DENND5A: variants seen among roughly 807,000 people sequenced by gnomAD.
DENND5A encodes the protein DENN domain-containing protein 5A.
Under a neutral mutation model 140.3 loss-of-function variants are expected in DENND5A, and 64 were observed. That is an observed-to-expected ratio of 0.46 (90% confidence interval 0.37 to 0.56). DENND5A has a LOEUF of 0.56. Ranked by LOEUF, DENND5A falls within the 20% of genes least tolerant of loss-of-function variation. The probability of loss-of-function intolerance (pLI) is 0.00; values close to 1 mark genes in which losing one functional copy is unlikely to be tolerated. For missense variants in DENND5A, 1,292 were observed against 1,593.8 expected, an observed-to-expected ratio of 0.81 and a Z score of 3.22; for synonymous variants, 605 against 607.7, an observed-to-expected ratio of 1.00 and a Z score of 0.07.
In DENND5A at chr11:9,167,896, C is replaced by T. The variant is rs1415053657; in HGVS notation, c.2152-1929G>A. ...TCCAAATCATCTTGTTTGATGATGA[C>T]CCCAAGTAGAAGTAACCTCTGCTTT... On this transcript the variant is annotated intron_variant, in intron 10 of 22. Coordinates refer to ENST00000328194, the MANE Select transcript of DENND5A (RefSeq NM_015213.4). Among the ~76,000 whole-genome samples the T allele has an allele frequency of 2.0e-5, 3 of 152,232 alleles. No homozygotes were observed. The South Asian group carries it at 6.2e-4, about 32-fold the overall frequency.
intron 1 of DENND5A, among the ~76,000 whole-genome samples, chr11:9,212,931 C>T (rs569515011): frequency 6.6e-6 from 1 of 151,460 alleles, no homozygotes; most frequent in African/African-American, 2.4e-5. Context: ...AAAAGGGCAA[C>T]CCCAAGAATT....
Position 9,203,757 on chromosome 11 carries a change from A to C in DENND5A, c.852T>G (p.Phe284Leu). 3 of 1,614,214 alleles carry C rather than the reference A, an allele frequency of 1.9e-6. No homozygotes were observed. The South Asian group carries it at 3.3e-5, about 18-fold the overall frequency. Residue 284 changes from phenylalanine to leucine, a missense_variant, in exon 4 of 23, where the codon TTT (phenylalanine) becomes TTG (leucine). This residue lies in a region of DENND5A where 566 missense variants were observed against 650.4 expected (regional missense o/e 0.87). Coordinates refer to ENST00000328194, the MANE Select transcript of DENND5A (RefSeq NM_015213.4). ...PSTNELPLFD[F>L]PVKEVFELLG... ...GCAGTTCAAAAACCTCTTTGACAGGAAAGTCAAATAGGGGAAGCTCATTGG... is the reference window on the plus strand; with the variant it reads ...GCAGTTCAAAAACCTCTTTGACAGGCAAGTCAAATAGGGGAAGCTCATTGG...
chr11:9,151,160 G>A (rs1847603100), intron 13 of DENND5A, among the ~76,000 whole-genome samples: 1 of 152,070 alleles, frequency 6.6e-6, no homozygotes, highest in South Asian at 2.1e-4. Context: ...CTTCCACTTG[G>A]AGCCACTACT....
At chr11:9,146,760 G>A (rs1847444286) in intron 16 of DENND5A, 1 of 326,642 alleles carries the variant, frequency 3.1e-6, no homozygotes, top group South Asian at 5.9e-5. Context: ...ACCTTCATCA[G>A]CTTAGGCTCC....
At chr11:9,235,945 C>T (rs1850981518) in intron 1 of DENND5A, among the ~76,000 whole-genome samples, 1 of 152,094 alleles carries the variant, frequency 6.6e-6, no homozygotes, top group African/African-American at 2.4e-5. Flanking sequence ...CACTGAATTA[C>T]ACATTTTTAA....
intron 1 of DENND5A, among the ~76,000 whole-genome samples, chr11:9,230,321 A>G (rs1315555508): frequency 7.1e-6 from 1 of 140,392 alleles, no homozygotes; most frequent in Non-Finnish European, 1.5e-5. Flanking sequence ...GCTCACTACA[A>G]TCTCAACCTT....
intron 1 of DENND5A, among the ~76,000 whole-genome samples, chr11:9,249,887 A>G (rs1420440413): frequency 3.9e-5 from 6 of 151,928 alleles, no homozygotes; most frequent in Non-Finnish European, 5.9e-5. Context: ...GTGTTGCACT[A>G]CGTTGCCCGG....
intron 17 of DENND5A, 109 bp downstream of exon 17, chr11:9,145,561 G>A (rs938586508): frequency 5.0e-6 from 6 of 1,189,522 alleles, no homozygotes; most frequent in African/African-American, 1.5e-5. Flanking sequence ...CTATGCTGAA[G>A]CATTACACTG....
At chr11:9,198,988 C>T (rs1278271074) in intron 4 of DENND5A, among the ~76,000 whole-genome samples, 2 of 133,476 alleles carry the variant, frequency 1.5e-5, no homozygotes, top group African/African-American at 2.7e-5. Context: ...TCCCAGGAGG[C>T]GGAGGTTGCA....
intron 11 of DENND5A, among the ~76,000 whole-genome samples, chr11:9,163,238 T>G (rs756750806): frequency 1.3e-5 from 2 of 152,182 alleles, no homozygotes; most frequent in Non-Finnish European, 2.9e-5. Context: ...GCTCCAAAAG[T>G]TTCTCTAGGG....
chr11:9,173,790 G>A (rs112517477), intron 8 of DENND5A, among the ~76,000 whole-genome samples: 9,013 of 152,204 alleles, frequency 0.059, 375 homozygotes, highest in South Asian at 0.11. Context: ...AACCAACAAA[G>A]TAGATAAAAT....
At chr11:9,229,761 A>G (rs1850684207) in intron 1 of DENND5A, among the ~76,000 whole-genome samples, 1 of 151,996 alleles carries the variant, frequency 6.6e-6, no homozygotes. Flanking sequence ...TGCCCCACCC[A>G]GTCTATTACC....
chr11:9,219,705 T>C (rs1422497506), intron 1 of DENND5A, among the ~76,000 whole-genome samples: 1 of 152,180 alleles, frequency 6.6e-6, no homozygotes, highest in Non-Finnish European at 1.5e-5. Context: ...CCTCAAATAA[T>C]CCAGATTGAT....
At position 9,243,872 on chromosome 11, in the gene DENND5A, C is replaced by T. The variant is rs570601562; in HGVS notation, c.109+21089G>A. 2.6e-5 allele frequency among the ~76,000 whole-genome samples: 4 copies of T among 152,194 alleles called. No individual in the cohort carries two copies. The South Asian group carries it at 6.2e-4, about 24-fold the overall frequency. ...CTGCACTCCAGCCTGGGCGACAGAACGAGACTCCATCTCACACACACAAAA... is the reference window on the plus strand; with the variant it reads ...CTGCACTCCAGCCTGGGCGACAGAATGAGACTCCATCTCACACACACAAAA... On this transcript the variant is annotated intron_variant, in intron 1 of 22. Coordinates refer to ENST00000328194, the MANE Select transcript of DENND5A (RefSeq NM_015213.4).
chr11:9,180,841 C>G lies in DENND5A; in HGVS notation c.1381G>C (p.Glu461Gln), dbSNP rs754943223. 6.2e-7 allele frequency: 1 copy of G among 1,614,082 alleles called. No individual in the cohort carries two copies. Among genetic ancestry groups the G allele is most frequent in the Non-Finnish European group, 8.5e-7 (1 of 1,180,042 alleles). ...NIAGSPLHSY[E>Q]LLKENETIAR... The stretch of plus-strand genomic sequence containing the variant: ...ATAGTTTCATTCTCCTTAAGAAGCT[C>G]GTAGGAATGCAAAGGGGAGCCAGCA... Residue 461 changes from glutamate to glutamine, a missense_variant, in exon 6 of 23, where the codon GAG (glutamate) becomes CAG (glutamine). Coordinates refer to ENST00000328194, the MANE Select transcript of DENND5A (RefSeq NM_015213.4).
intron 4 of DENND5A, among the ~76,000 whole-genome samples, chr11:9,197,738 A>T (rs2136202279): frequency 6.6e-6 from 1 of 152,222 alleles, no homozygotes; most frequent in East Asian, 1.9e-4. Context: ...TCTCTGCATT[A>T]TTTGTGCACA....
intron 1 of DENND5A, chr11:9,242,434 G>A (rs1259505726): frequency 1.3e-5 from 2 of 152,140 alleles, no homozygotes; most frequent in Non-Finnish European, 2.9e-5. Flanking sequence ...AGAAGACTAT[G>A]AGCCCCTTAA....
intron 12 of DENND5A, among the ~76,000 whole-genome samples, chr11:9,156,146 T>C (rs1015549125): frequency 6.6e-6 from 1 of 152,276 alleles, no homozygotes; most frequent in African/African-American, 2.4e-5. Flanking sequence ...AATGGAGGCC[T>C]AGGGAGAACA....
chr11:9,216,136 T>G (rs986970365), intron 1 of DENND5A, among the ~76,000 whole-genome samples: 1 of 152,238 alleles, frequency 6.6e-6, no homozygotes, highest in Non-Finnish European at 1.5e-5. Context: ...AGGACCTAAC[T>G]TGGCTACTTA....
Sources: allele counts gnomAD v4.1 joint callset (sites outside exome capture counted in the v4.1 genomes callset), GRCh38; gene constraint gnomAD v4.1.1; regional missense constraint gnomAD v4.1.1; transcripts MANE v1.5; gene names NCBI Gene and HGNC (gene_info 2026-07-23, HGNC 2026-07-21).